Variants in CACNA1C observed in about 807,000 individuals in gnomAD.
The protein encoded by CACNA1C is calcium voltage-gated channel subunit alpha1 C.
Under a neutral mutation model 229.0 loss-of-function variants are expected in CACNA1C, and 30 were observed. That is an observed-to-expected ratio of 0.13 (90% CI 0.10 to 0.18). The LOEUF (loss-of-function observed/expected upper bound fraction) is 0.18. Among genes scored for constraint, CACNA1C ranks in the 10% least tolerant of loss-of-function variants. The pLI, the probability that CACNA1C is intolerant of heterozygous loss-of-function variation, is 1.00. For synonymous variants in CACNA1C, 1,114 were observed against 1,132.5 expected (o/e 0.98, Z 0.33); for missense variants, 1,658 against 2,845.0 (o/e 0.58, Z 9.49).
rs144327807 is a variant in CACNA1C at position 2,031,036 on chromosome 12, A to G, written c.139+59835A>G. ...GGCAAGACAGGTCTCTACAGGTTCA[A>G]CTTACCCATAATTAAGGATGGACAG... On this transcript the variant is annotated intron_variant, in intron 1 of 46. Coordinates refer to the CACNA1C transcript ENST00000682462. 7.9e-5 allele frequency among the ~76,000 whole-genome samples: 12 copies of G among 152,294 alleles called. No individual in the cohort carries two copies. The East Asian group carries it at 2.1e-3, about 27-fold the overall frequency.
At chr12:2,457,202 C>A (rs898569679) in intron 4 of CACNA1C, among the ~76,000 whole-genome samples, 6 of 152,186 alleles carry the variant, frequency 3.9e-5, no homozygotes, top group Non-Finnish European at 7.4e-5. Flanking sequence ...CTGGGAGGGG[C>A]GCTAGGATAC....
chr12:2,162,001 G>A (rs2095884512), intron 3 of CACNA1C, among the ~76,000 whole-genome samples: 1 of 152,200 alleles, frequency 6.6e-6, no homozygotes. Flanking sequence ...TCTGTTTCCA[G>A]CCAGATTGTA....
At chr12:2,634,267 C>A in intron 29 of CACNA1C, 30 bp from the exon 30 acceptor site, 3 of 1,034,586 alleles carry the variant, frequency 2.9e-6, no homozygotes, top group South Asian at 1.8e-5. Flanking sequence ...TTCTTCTTCT[C>A]TCTCTCCCCG....
Position 2,449,131 on chromosome 12 carries a change from T to C in CACNA1C, c.617+16T>C. 3 of 1,516,636 alleles carry C rather than the reference T, an allele frequency of 2.0e-6. No individual in the cohort carries two copies. Among genetic ancestry groups the C allele is most frequent in the Non-Finnish European group, 2.7e-6 (3 of 1,129,416 alleles). 93.9% of individuals were successfully genotyped at this position (1,516,636 alleles called of 1,614,324 possible). On this transcript the variant is annotated intron_variant, in intron 4 of 46. Transcript: ENST00000399655. Reference sequence around the variant, plus strand: ...TGGTTGTGGGGTAAGTATCACTGTCTGTTTCTTTCCCTTTATCTTACCAGT... The same window carrying C: ...TGGTTGTGGGGTAAGTATCACTGTCCGTTTCTTTCCCTTTATCTTACCAGT...
At chr12:2,615,078 A>G (rs2079780343) in intron 29 of CACNA1C, 1 of 152,154 alleles carries the variant, frequency 6.6e-6, no homozygotes, top group Non-Finnish European at 1.5e-5. Context: ...TGGTTTGAAG[A>G]GAGTGAGGTG....
intron 1 of CACNA1C, among the ~76,000 whole-genome samples, chr12:1,986,496 A>C (rs183718996): frequency 5.3e-5 from 8 of 152,336 alleles, no homozygotes; most frequent in African/African-American, 1.9e-4. Flanking sequence ...ACAGGGGCAG[A>C]GACAGGGTCT....
At chr12:2,364,539 G>T (rs1348972989) in intron 3 of CACNA1C, among the ~76,000 whole-genome samples, 1 of 152,176 alleles carries the variant, frequency 6.6e-6, no homozygotes, top group Non-Finnish European at 1.5e-5. Context: ...TCAGAAAATA[G>T]GTACAGAGGC....
chr12:2,443,915 A>G (rs2099252458), intron 3 of CACNA1C, among the ~76,000 whole-genome samples: 1 of 152,162 alleles, frequency 6.6e-6, no homozygotes, highest in African/African-American at 2.4e-5. Flanking sequence ...TCATGCCTCT[A>G]AGGTCAGAGT....
chr12:2,285,333 C>T lies in CACNA1C; in HGVS notation c.478-163643C>T, dbSNP rs1478554834. ...TTTACACCACAAAAACTGGCATATG[C>T]TACACCCAGAGCTTTCCTTCCCCCT... is the stretch of plus-strand genomic sequence containing the variant. On this transcript the variant is annotated intron_variant, in intron 3 of 46. Transcript: ENST00000399655. This position sits in a 1 kb window ranked among gnomAD's most constrained non-coding sequence, Gnocchi z 4.2. Among the ~76,000 whole-genome samples the T allele has an allele frequency of 2.0e-5, 3 of 152,186 alleles. No individual in the cohort carries two copies. The highest frequency in any genetic ancestry group is 7.2e-5 in the African/African-American group (3 of 41,456).
At chr12:2,277,204 A>G (rs1041897797) in intron 3 of CACNA1C, among the ~76,000 whole-genome samples, 20 of 152,140 alleles carry the variant, frequency 1.3e-4, no homozygotes. Context: ...AAGGTGTGGA[A>G]ACACAGGGTC....
chr12:2,232,937 T>A (rs2065900325), intron 3 of CACNA1C, among the ~76,000 whole-genome samples: 4 of 152,176 alleles, frequency 2.6e-5, no homozygotes, highest in Admixed American at 2.6e-4. Flanking sequence ...ACCCCCAACC[T>A]TTCTCAAGTG....
chr12:2,462,665 A>G (rs2099518582), intron 5 of CACNA1C, among the ~76,000 whole-genome samples: 1 of 152,174 alleles, frequency 6.6e-6, no homozygotes, highest in Admixed American at 6.5e-5. Context: ...AGGCCCTAAG[A>G]GCCACCCCAC....
intron 3 of CACNA1C, among the ~76,000 whole-genome samples, chr12:2,217,168 A>G (rs1449849785): frequency 6.6e-6 from 1 of 152,244 alleles, no homozygotes; most frequent in Non-Finnish European, 1.5e-5. Flanking sequence ...AAGGAGAAAT[A>G]TGGTATGATT....
At chr12:2,535,724 A>AAAAAAAAAAAC (rs2099852906) in intron 9 of CACNA1C, among the ~76,000 whole-genome samples, 1 of 149,866 alleles carries the variant, frequency 6.7e-6, no homozygotes, top group Admixed American at 6.6e-5. Context: ...AAAAAAAAAA[A>AAAAAAAAAAAC]AAAAAAAAAC....
rs1412019921 is a variant in CACNA1C, at chr12:2,169,267, CT to C, written c.477+48842del. Among the ~76,000 whole-genome samples, 53 of 152,268 alleles carry C rather than the reference CT, an allele frequency of 3.5e-4. 1 individual carries two copies. The highest frequency in any genetic ancestry group is 2.4e-5 in the African/African-American group (1 of 41,552). ...AGGCTTTCTACCCAGGATTGCACGG[CT>C]TTTTACTTTGATGAATGTCATTTTA... On this transcript the variant is annotated intron_variant, in intron 3 of 46. Coordinates refer to ENST00000399655, the MANE Select transcript of CACNA1C (RefSeq NM_000719.7).
chr12:2,585,063 G>T lies in CACNA1C; in HGVS notation c.2340-313G>T, dbSNP rs1339867809. Among the ~76,000 whole-genome samples, 1 of 152,172 alleles carries T rather than the reference G, an allele frequency of 6.6e-6. No homozygotes were observed. Among genetic ancestry groups the T allele is most frequent in the East Asian group, 1.9e-4 (1 of 5,188 alleles). ...CGGGACAGTTCCAGGCCACACAGCT[G>T]CCGGGCACTGAGCAGAGCTCCTCCA... On this transcript the variant is annotated intron_variant, in intron 16 of 46. Transcript: ENST00000399655. The surrounding 1 kb of genome is among the most constrained non-coding windows in gnomAD (Gnocchi z 4.1).
intron 5 of CACNA1C, among the ~76,000 whole-genome samples, chr12:2,475,156 G>T (rs540857940): frequency 6.6e-6 from 1 of 151,984 alleles, no homozygotes; most frequent in African/African-American, 2.4e-5. Flanking sequence ...AAAATTAGCC[G>T]GGCGCAGTAG....
intron 3 of CACNA1C, among the ~76,000 whole-genome samples, chr12:2,389,406 G>C (rs1047908998): frequency 6.6e-6 from 1 of 152,118 alleles, no homozygotes; most frequent in Non-Finnish European, 1.5e-5. Context: ...GGGTGAAAGA[G>C]GACAGTTTTG....
At chr12:2,120,550 T>G in intron 3 of CACNA1C, 120 bp downstream of exon 3, 1 of 728,474 alleles carries the variant, frequency 1.4e-6, no homozygotes, top group Non-Finnish European at 2.5e-6. Context: ...GCAGGAGCCC[T>G]GCAGAGCTCA....
Sources: allele counts gnomAD v4.1 joint callset (sites outside exome capture counted in the v4.1 genomes callset), GRCh38; gene constraint gnomAD v4.1.1; non-coding constraint Gnocchi (gnomAD v3.1); transcripts MANE v1.5; gene names NCBI Gene and HGNC (gene_info 2026-07-23, HGNC 2026-07-21).